Variants in NEK11 observed in about 807,000 individuals in gnomAD.
NEK11 encodes the protein NIMA related kinase 11, also known as serine/threonine-protein kinase Nek11.
NEK11 carries 72 observed loss-of-function variants against 80.7 expected under a neutral mutation model. The observed-to-expected ratio is 0.89, with a 90% CI of 0.74 to 1.08. NEK11 has a LOEUF of 1.08. NEK11 is among the 50% of genes least tolerant of loss of function. The pLI is 0.00. For missense variants in NEK11, 764 were observed against 763.6 expected, an observed-to-expected ratio of 1.00 and a Z score of -0.01; for synonymous variants, 251 against 260.7, an observed-to-expected ratio of 0.96 and a Z score of 0.36.
At chr3:131,048,217 C>T (rs1328366930) in intron 3 of NEK11, among the ~76,000 whole-genome samples, 1 of 152,206 alleles carries the variant, frequency 6.6e-6, no homozygotes, top group East Asian at 1.9e-4. Flanking sequence ...GCTGAGAAAG[C>T]ATGCAGGACT....
intron 15 of NEK11, among the ~76,000 whole-genome samples, chr3:131,236,882 CTAA>C (rs1447784578): frequency 6.6e-6 from 1 of 152,194 alleles, no homozygotes; most frequent in Non-Finnish European, 1.5e-5. Context: ...GGCTTGGCTT[CTAA>C]TGAGTTCAAG....
intron 16 of NEK11, among the ~76,000 whole-genome samples, chr3:131,264,602 T>C (rs2096008847): frequency 6.6e-6 from 1 of 152,212 alleles, no homozygotes; most frequent in Non-Finnish European, 1.5e-5. Context: ...ACCATGCTGT[T>C]TTGGTTACTG....
chr3:131,064,006 A>G (rs2071405447), intron 3 of NEK11, among the ~76,000 whole-genome samples: 1 of 152,244 alleles, frequency 6.6e-6, no homozygotes, highest in Admixed American at 6.5e-5. Flanking sequence ...ATGAGAAGCC[A>G]TGAAATACTG....
rs147225516 is a variant in NEK11 at position 131,349,638 on chromosome 3, C to G, written c.1800C>G (p.Ser600Arg). ...AGAGAGCAAGGCATCAGAATGCTAG[C>G]GAAGCAGAGATCCGCGAGTGTTTGG... is the stretch of plus-strand genomic sequence containing the variant. ...YLKRARHQNASEAEIRECLEK... is the reference protein window; with the variant it reads ...YLKRARHQNAREAEIRECLEK... Residue 600 changes from serine to arginine, a missense_variant, in exon 18 of 18, where the codon AGC becomes AGG. Physicochemically the swap from Ser to Arg is moderately radical, Grantham distance 110 (BLOSUM62 -1). Coordinates refer to ENST00000383366, the MANE Select transcript of NEK11 (RefSeq NM_024800.5). 6.2e-7 allele frequency: 1 copy of G among 1,614,054 alleles called. No individual in the cohort carries two copies. The highest frequency in any genetic ancestry group is 2.2e-5 in the East Asian group (1 of 44,864).
intron 3 of NEK11, among the ~76,000 whole-genome samples, chr3:131,031,468 C>T (rs1161693976): frequency 1.3e-5 from 2 of 152,108 alleles, no homozygotes; most frequent in African/African-American, 4.8e-5. Context: ...GGATCATATC[C>T]AATTTTGGTT....
At chr3:131,144,219 C>T (rs1419757139) in intron 7 of NEK11, among the ~76,000 whole-genome samples, 1 of 152,146 alleles carries the variant, frequency 6.6e-6, no homozygotes, top group Non-Finnish European at 1.5e-5. Context: ...GTGTAATTTG[C>T]TTCACAGACA....
chr3:131,169,804 A>G (rs2092555641), intron 13 of NEK11, among the ~76,000 whole-genome samples: 1 of 152,218 alleles, frequency 6.6e-6, no homozygotes, highest in South Asian at 2.1e-4. Flanking sequence ...AAGTTAATTG[A>G]GAGTCCAAAT....
chr3:131,293,059 C>G (rs1298755741), intron 17 of NEK11, among the ~76,000 whole-genome samples: 1 of 151,862 alleles, frequency 6.6e-6, no homozygotes, highest in Non-Finnish European at 1.5e-5. Flanking sequence ...TTCTTCTTTC[C>G]CAATCTTTAT....
At chr3:131,126,894 C>T (rs973512866) in intron 5 of NEK11, among the ~76,000 whole-genome samples, 2 of 150,948 alleles carry the variant, frequency 1.3e-5, no homozygotes, top group East Asian at 3.9e-4. Context: ...TATATTAGAA[C>T]TTTAAGCCTG....
At chr3:131,183,618 T>C (rs1445967742) in intron 14 of NEK11, among the ~76,000 whole-genome samples, 1 of 152,238 alleles carries the variant, frequency 6.6e-6, no homozygotes, top group Admixed American at 6.5e-5. Flanking sequence ...CATGACCTCA[T>C]TCCTTTTTAT....
chr3:131,310,649 C>G lies in NEK11; in HGVS notation c.1718+37075C>G, dbSNP rs150324779. Among the ~76,000 whole-genome samples the G allele has an allele frequency of 5.6e-3, 854 of 152,252 alleles. 4 individuals carry two copies. Among genetic ancestry groups the G allele is most frequent in the Non-Finnish European group, 7.8e-3 (531 of 68,022 alleles). ...GATGTCAGAGGTGCTGATATTCACA[C>G]CTTTTGAGTGTCAGCTGCAGGGAGA... On this transcript the variant is annotated intron_variant, in intron 17 of 17. Coordinates refer to ENST00000383366, the MANE Select transcript of NEK11 (RefSeq NM_024800.5).
At chr3:131,342,086 G>A (rs373744992) in intron 17 of NEK11, among the ~76,000 whole-genome samples, 1 of 152,160 alleles carries the variant, frequency 6.6e-6, no homozygotes, top group African/African-American at 2.4e-5. Flanking sequence ...CTGAGAAAGA[G>A]GGAAGTGCCA....
At chr3:131,113,522 T>C (rs1436059783) in intron 5 of NEK11, among the ~76,000 whole-genome samples, 1 of 152,176 alleles carries the variant, frequency 6.6e-6, no homozygotes, top group East Asian at 1.9e-4. Flanking sequence ...AACTAGTGGC[T>C]GCTGTGGGTA....
At chr3:131,215,105 C>T (rs2094776856) in intron 14 of NEK11, among the ~76,000 whole-genome samples, 4 of 152,104 alleles carry the variant, frequency 2.6e-5, no homozygotes, top group Admixed American at 2.6e-4. Context: ...AGGTTCAGTT[C>T]CACTTGCAGT....
chr3:131,279,753 A>G (rs1244273607), intron 17 of NEK11, among the ~76,000 whole-genome samples: 1 of 152,216 alleles, frequency 6.6e-6, no homozygotes. Flanking sequence ...ATGGATCTAG[A>G]TCTATGCATA....
At chr3:131,287,924 T>C (rs2096492797) in intron 17 of NEK11, among the ~76,000 whole-genome samples, 1 of 152,346 alleles carries the variant, frequency 6.6e-6, no homozygotes, top group East Asian at 1.9e-4. Flanking sequence ...TAGATTTACA[T>C]GCATTCCATG....
At position 131,132,793 on chromosome 3, in the gene NEK11, T is replaced by G; in HGVS notation, c.504T>G (p.Asn168Lys). 6.7e-7 allele frequency: 1 copy of G among 1,500,516 alleles called. No homozygotes were observed. Among genetic ancestry groups the G allele is most frequent in the Non-Finnish European group, 9.1e-7 (1 of 1,097,060 alleles). 93.0% of individuals were successfully genotyped at this position (1,500,516 alleles called of 1,614,324 possible). ...AGTCAAAGAATGTATTTCTGAAAAA[T>G]AATCTCCTTAAAATTGGTAAGATTT... Reference protein sequence around the residue: ...DLKSKNVFLKNNLLKIGDFGV... With the variant: ...DLKSKNVFLKKNLLKIGDFGV... Residue 168 changes from asparagine (N) to lysine (K), a missense_variant, in exon 6 of 18, where the codon AAT (asparagine) becomes AAG (lysine). Asn to Lys is a moderately conservative substitution (Grantham distance 94, BLOSUM62 0). Transcript: ENST00000383366.
intron 17 of NEK11, among the ~76,000 whole-genome samples, chr3:131,297,444 G>A (rs1561428585): frequency 2.0e-5 from 3 of 151,716 alleles, no homozygotes; most frequent in Non-Finnish European, 4.4e-5. Context: ...GTGTTTTTTG[G>A]CTGCATAAAT....
intron 5 of NEK11, among the ~76,000 whole-genome samples, chr3:131,124,952 A>G (rs968913163): frequency 2.0e-5 from 3 of 152,190 alleles, no homozygotes; most frequent in Non-Finnish European, 2.9e-5. Context: ...TGGGCATAAC[A>G]GTAAAAAAAT....
Sources: allele counts gnomAD v4.1 joint callset (sites outside exome capture counted in the v4.1 genomes callset), GRCh38; gene constraint gnomAD v4.1.1; transcripts MANE v1.5; gene names NCBI Gene and HGNC (gene_info 2026-07-23, HGNC 2026-07-21).